MIA3: variants seen among roughly 807,000 people sequenced by gnomAD.
The protein encoded by MIA3 is transport and Golgi organization protein 1 homolog.
A neutral mutation model predicts 192.4 loss-of-function variants in MIA3; 90 were observed. The ratio of observed to expected loss-of-function variants is 0.47; its 90% CI spans 0.39 to 0.56. MIA3 has a LOEUF of 0.56. Among genes scored for constraint, MIA3 ranks in the 20% least tolerant of loss-of-function variants. The probability of loss-of-function intolerance (pLI) is 0.00; values close to 1 mark genes in which losing one functional copy is unlikely to be tolerated. For synonymous variants in MIA3, 740 were observed against 792.8 expected, an observed-to-expected ratio of 0.93 and a Z score of 1.12; for missense variants, 2,123 against 2,269.4, an observed-to-expected ratio of 0.94 and a Z score of 1.31.
At chr1:222,634,711 C>T (rs1466877952) in intron 6 of MIA3, among the ~76,000 whole-genome samples, 1 of 152,172 alleles carries the variant, frequency 6.6e-6, no homozygotes, top group Non-Finnish European at 1.5e-5. Flanking sequence ...AGAAAGTATG[C>T]TTCTCACCAA....
chr1:222,645,577 T>A lies in MIA3; in HGVS notation c.3501T>A (p.Asp1167Glu). 1 of 1,612,528 alleles carries A rather than the reference T, an allele frequency of 6.2e-7. No homozygotes were observed. Among genetic ancestry groups the A allele is most frequent in the Non-Finnish European group, 8.5e-7 (1 of 1,179,122 alleles). ...AGCTAGTTGCTACATTGCCTGATGA[T>A]GTTCAGCCTGGGCCTGATTTTTATG... ...TKSLVATLPDDVQPGPDFYGL... is the reference protein window; with the variant it reads ...TKSLVATLPDEVQPGPDFYGL... The change falls in exon 7 of 28, where the codon GAT becomes GAA. Residue 1167 changes from aspartate (D) to glutamate (E), a missense_variant. Transcript: ENST00000344922.
chr1:222,620,323 C>G (rs1393197813), intron 1 of MIA3, among the ~76,000 whole-genome samples: 5 of 152,172 alleles, frequency 3.3e-5, no homozygotes, highest in African/African-American at 1.2e-4. Context: ...ACTGCTTCAG[C>G]CAGTTTCTAG....
intron 6 of MIA3, chr1:222,644,499 G>C: frequency 6.4e-7 from 1 of 1,550,614 alleles, no homozygotes; most frequent in Middle Eastern, 1.7e-4. Context: ...CTGCCACTGT[G>C]CCTTCTATCG....
At chr1:222,664,417 T>C (rs1664177091) in intron 27 of MIA3, among the ~76,000 whole-genome samples, 1 of 152,240 alleles carries the variant, frequency 6.6e-6, no homozygotes, top group South Asian at 2.1e-4. Context: ...CATCTGTGGC[T>C]GTGTACTAGG....
chr1:222,625,775 C>T lies in MIA3; in HGVS notation c.354+921C>T, dbSNP rs28563825. Among the ~76,000 whole-genome samples the T allele has an allele frequency of 2.2e-3, 339 of 152,244 alleles. 14 individuals are homozygous for T. The East Asian group carries it at 0.058, about 26-fold the overall frequency. On this transcript the variant is annotated intron_variant, in intron 3 of 27. Transcript: ENST00000344922. The stretch of plus-strand genomic sequence containing the variant: ...TTTTTGAGACAGAGTCTCTCTCTGC[C>T]GCCCAGGCTGGAGTGCAGTGGTGCG...
chr1:222,637,776 G>A (rs1421730278), intron 6 of MIA3, among the ~76,000 whole-genome samples: 1 of 148,926 alleles, frequency 6.7e-6, no homozygotes, highest in African/African-American at 2.5e-5. Context: ...CTGCAGCCTC[G>A]ACCTCTCTGG....
rs575246690 is a variant in MIA3 at position 222,645,563 on chromosome 1, A to G, written c.3487A>G (p.Thr1163Ala). The G allele has an allele frequency of 6.9e-5, 111 of 1,609,888 alleles. No individual in the cohort carries two copies. In the South Asian group the frequency reaches 1.1e-3, roughly 16 times the overall value. Residue 1163 changes from threonine to alanine, a missense_variant, in exon 7 of 28, where the codon ACA becomes GCA. This residue lies in a region of MIA3 where 1,357 missense variants were observed against 1,396.1 expected (regional missense o/e 0.97). Coordinates refer to ENST00000344922, the MANE Select transcript of MIA3 (RefSeq NM_198551.4). ...MFYLTKSLVATLPDDVQPGPD... is the reference protein window; with the variant it reads ...MFYLTKSLVAALPDDVQPGPD... ...TATTTCTAACATTCAGCTAGTTGCT[A>G]CATTGCCTGATGATGTTCAGCCTGG... is the stretch of plus-strand genomic sequence containing the variant.
Position 222,654,670 on chromosome 1 carries a change from T to A in MIA3, c.4484T>A (p.Leu1495Ter), listed in dbSNP as rs770970846. 6.2e-7 allele frequency: 1 copy of A among 1,614,006 alleles called. No individual in the cohort carries two copies. Among genetic ancestry groups the A allele is most frequent in the South Asian group, 1.1e-5 (1 of 91,068 alleles). The change falls in exon 18 of 28, where the codon TTG becomes TAG. Residue 1495 changes from leucine to a stop codon, truncating the protein, a stop_gained. Coordinates refer to ENST00000344922, the MANE Select transcript of MIA3 (RefSeq NM_198551.4). LOFTEE classifies it high-confidence loss of function. The part of the protein sequence containing the change: ...KCNLEDQVKK[L>*]EDDRNSLQAA... ...TCCTTTACAGACCAGGTAAAGAAAT[T>A]GGAAGATGACCGCAACTCACTACAA...
At chr1:222,660,080 T>G in intron 23 of MIA3, 74 bp downstream of exon 23, 1 of 1,585,788 alleles carries the variant, frequency 6.3e-7, no homozygotes, top group Non-Finnish European at 8.6e-7. Flanking sequence ...TTTTTGTTTC[T>G]GTGTGTAATG....
chr1:222,659,398 G>A (rs1036967756), intron 19 of MIA3, 55 bp from the exon 20 acceptor site: 2 of 1,500,672 alleles, frequency 1.3e-6, no homozygotes, highest in Middle Eastern at 3.5e-4. Flanking sequence ...TAGTCAGATT[G>A]TTTGGGTTTT....
chr1:222,634,758 A>G (rs530143306), intron 6 of MIA3, among the ~76,000 whole-genome samples: 236 of 152,350 alleles, frequency 1.5e-3, no homozygotes, highest in African/African-American at 5.4e-3. Flanking sequence ...TCAAGACTCG[A>G]ATAGGAAAGA....
chr1:222,638,063 C>T (rs1028969447), intron 6 of MIA3, among the ~76,000 whole-genome samples: 9 of 152,034 alleles, frequency 5.9e-5, no homozygotes, highest in Non-Finnish European at 1.3e-4. Context: ...AATAGGAAGT[C>T]AATAAGGATC....
At position 222,624,757 on chromosome 1, in the gene MIA3, CT is replaced by C. The variant is rs758603021; in HGVS notation, c.268-7del. 3 of 1,395,494 alleles carry C rather than the reference CT, an allele frequency of 2.1e-6. No homozygotes were observed. In the African/African-American group the frequency reaches 4.3e-5, roughly 20 times the overall value. 86.4% of individuals were successfully genotyped at this position (1,395,494 alleles called of 1,614,324 possible). On this transcript the variant is annotated splice_polypyrimidine_tract_variant and intron_variant, in intron 2 of 27. Transcript: ENST00000344922. Reference sequence around the variant, plus strand: ...TTGATATGTGTCCCTTTTGCCCATTCTTTTGTGTAGGTTGGACGCACTTTTG... The same window carrying C: ...TTGATATGTGTCCCTTTTGCCCATTCTTTGTGTAGGTTGGACGCACTTTTG...
intron 6 of MIA3, among the ~76,000 whole-genome samples, chr1:222,638,363 A>G (rs956754612): frequency 6.6e-6 from 1 of 152,214 alleles, no homozygotes; most frequent in Non-Finnish European, 1.5e-5. Context: ...TGAACATCTT[A>G]TGAGTTTAAA....
intron 27 of MIA3, 53 bp from the exon 28 acceptor site, chr1:222,665,256 C>T: frequency 1.2e-6 from 1 of 836,648 alleles, no homozygotes; most frequent in South Asian, 1.6e-5. Flanking sequence ...CTGGCATTAT[C>T]TTAATTTAAA....
In MIA3 at chr1:222,627,785, A is replaced by G. The variant is rs1368493500; in HGVS notation, c.565A>G (p.Ser189Gly). ...PEPVEANSEE[S>G]DSVFSENTED... Reference sequence around the variant, plus strand: ...ACCAGTAGAAGCCAACTCAGAGGAAAGTGATAGTGTATTCTCAGAAAACAC... The same window carrying G: ...ACCAGTAGAAGCCAACTCAGAGGAAGGTGATAGTGTATTCTCAGAAAACAC... Residue 189 changes from serine (S) to glycine (G), a missense_variant, in exon 4 of 28, where the codon AGT becomes GGT. Physicochemically the swap from Ser to Gly is moderately conservative, Grantham distance 56. This residue lies in a region of MIA3 where 1,357 missense variants were observed against 1,396.1 expected (regional missense o/e 0.97). Transcript: ENST00000344922. 1.2e-6 allele frequency: 2 copies of G among 1,613,476 alleles called. No individual in the cohort carries two copies. Among genetic ancestry groups the G allele is most frequent in the Non-Finnish European group, 1.7e-6 (2 of 1,179,886 alleles).
chr1:222,630,267 C>T lies in MIA3; in HGVS notation c.3047C>T (p.Ala1016Val). 6.2e-7 allele frequency: 1 copy of T among 1,614,208 alleles called. No homozygotes were observed. The highest frequency in any genetic ancestry group is 8.5e-7 in the Non-Finnish European group (1 of 1,180,034). The stretch of plus-strand genomic sequence containing the variant: ...GAAAATAACATATTTGAAGAGGCTG[C>T]AGTGCTTGATGACATTCAAGACCTC... ...MNENNIFEEA[A>V]VLDDIQDLIY... The change falls in exon 4 of 28, where the codon GCA (alanine) becomes GTA (valine). Residue 1016 changes from alanine to valine, a missense_variant. This residue lies in a region of MIA3 where 1,357 missense variants were observed against 1,396.1 expected (regional missense o/e 0.97). Coordinates refer to ENST00000344922, the MANE Select transcript of MIA3 (RefSeq NM_198551.4).
intron 26 of MIA3, 114 bp from the exon 27 acceptor site, chr1:222,663,884 C>T (rs1051447684): frequency 9.9e-7 from 1 of 1,011,940 alleles, no homozygotes; most frequent in Non-Finnish European, 1.5e-6. Context: ...ACTAATTCTG[C>T]TCTTTGGACA....
At chr1:222,634,886 T>G (rs530801362) in intron 6 of MIA3, among the ~76,000 whole-genome samples, 1 of 152,364 alleles carries the variant, frequency 6.6e-6, no homozygotes, top group Non-Finnish European at 1.5e-5. Flanking sequence ...GAACCTCAAC[T>G]TTCTCATCTG....
Sources: gnomAD v4.1 joint callset for allele counts (sites outside exome capture counted in the v4.1 genomes callset) on GRCh38, gnomAD v4.1.1 for gene constraint, gnomAD v4.1.1 regional missense constraint, MANE v1.5 for transcripts, NCBI Gene and HGNC (gene_info 2026-07-23, HGNC 2026-07-21) for gene names.